The following TMC1 variants were observed in gnomAD, a reference collection of about 807,000 sequenced individuals.
TMC1 encodes the protein transmembrane channel-like protein 1.
TMC1 carries 84 observed loss-of-function variants against 105.8 expected under a neutral mutation model. The observed-to-expected ratio is 0.79, with a 90% CI of 0.67 to 0.95. TMC1 has a LOEUF of 0.95. Ranked by LOEUF, TMC1 falls within the 40% of genes least tolerant of loss-of-function variation. TMC1 has a pLI of 0.00. For synonymous variants in TMC1, 315 were observed against 311.5 expected (o/e 1.01, Z -0.12); for missense variants, 817 against 914.1 (o/e 0.89, Z 1.37).
chr9:72,729,524 G>A (rs1827172867), intron 8 of TMC1, among the ~76,000 whole-genome samples: 1 of 152,124 alleles, frequency 6.6e-6, no homozygotes. Flanking sequence ...ATCAAAACAT[G>A]CAGAGTACTT....
chr9:72,543,952 C>CTTTTTTTTTTTTTT (rs1554710174), intron 1 of TMC1, among the ~76,000 whole-genome samples: 1 of 134,342 alleles, frequency 7.4e-6, no homozygotes, highest in Non-Finnish European at 1.6e-5. Context: ...TTCTTTCTTT[C>CTTTTTTTTTTTTTT]TTTTTTTTTT....
intron 23 of TMC1, among the ~76,000 whole-genome samples, 186 bp downstream of exon 23, chr9:72,830,868 G>T (rs1451842131): frequency 2.0e-5 from 3 of 150,512 alleles, no homozygotes; most frequent in South Asian, 2.1e-4. Flanking sequence ...GTATTTGGTT[G>T]TTTTCTAGTG....
intron 18 of TMC1, among the ~76,000 whole-genome samples, chr9:72,807,407 T>G (rs1375942359): frequency 2.6e-5 from 4 of 152,222 alleles, no homozygotes; most frequent in Non-Finnish European, 4.4e-5. Context: ...TGAAGACCAA[T>G]GAGTACATTT....
chr9:72,595,720 A>T lies in TMC1; in HGVS notation c.-306+17697A>T, dbSNP rs188436562. 2.5e-4 allele frequency among the ~76,000 whole-genome samples: 35 copies of T among 141,516 alleles called. No individual in the cohort carries two copies. The East Asian group carries it at 4.8e-3, about 19-fold the overall frequency. The allele number at this position is 141,516 out of a possible 152,430, so 92.8% of individuals were successfully genotyped here. ...TAGACTGAATCTTGCTCTGTTGCCC[A>T]GGCTGGAGTGCAGTGGTACAGTCTT... is the stretch of plus-strand genomic sequence containing the variant. On this transcript the variant is annotated intron_variant, in intron 2 of 23. Coordinates refer to ENST00000297784, the MANE Select transcript of TMC1 (RefSeq NM_138691.3).
chr9:72,732,168 T>C (rs909009571), intron 8 of TMC1, among the ~76,000 whole-genome samples: 1 of 152,224 alleles, frequency 6.6e-6, no homozygotes, highest in South Asian at 2.1e-4. Flanking sequence ...TCTTTGATCA[T>C]TGATGCACAC....
intron 8 of TMC1, among the ~76,000 whole-genome samples, chr9:72,739,898 T>C (rs1219233877): frequency 6.6e-6 from 1 of 152,234 alleles, no homozygotes; most frequent in East Asian, 1.9e-4. Flanking sequence ...TCCAGCTGAT[T>C]AGTAAGTGAG....
chr9:72,580,069 G>C (rs905599830), intron 2 of TMC1, among the ~76,000 whole-genome samples: 2 of 152,150 alleles, frequency 1.3e-5, no homozygotes, highest in Non-Finnish European at 2.9e-5. Flanking sequence ...CTATTTAAAA[G>C]AGCGTGGTCC....
chr9:72,632,204 AAG>A (rs1025789801), intron 4 of TMC1, among the ~76,000 whole-genome samples: 4 of 151,848 alleles, frequency 2.6e-5, no homozygotes, highest in Non-Finnish European at 5.9e-5. Context: ...GAGAGAGAGA[AAG>A]AGAGAGAGGA....
intron 3 of TMC1, among the ~76,000 whole-genome samples, chr9:72,616,972 A>T (rs1229767366): frequency 6.6e-6 from 1 of 152,158 alleles, no homozygotes; most frequent in Non-Finnish European, 1.5e-5. Flanking sequence ...TAGTCTTGCC[A>T]TTATTATATA....
chr9:72,824,336 C>T (rs1211685193), intron 20 of TMC1, among the ~76,000 whole-genome samples: 1 of 152,254 alleles, frequency 6.6e-6, no homozygotes, highest in African/African-American at 2.4e-5. Flanking sequence ...GGCAGCTGCC[C>T]TCCACTGGAG....
At chr9:72,772,645 T>C in intron 13 of TMC1, 90 bp downstream of exon 13, 2 of 1,539,102 alleles carry the variant, frequency 1.3e-6, no homozygotes, top group Admixed American at 1.7e-5. Flanking sequence ...ATTTTGTTGC[T>C]ATTTTATGTC....
At chr9:72,685,267 C>CGCA in intron 5 of TMC1, among the ~76,000 whole-genome samples, 1 of 151,230 alleles carries the variant, frequency 6.6e-6, no homozygotes, top group Non-Finnish European at 1.5e-5. Flanking sequence ...CCACCACACC[C>CGCA]GGATAATTTT....
At chr9:72,580,428 G>A (rs1314868631) in intron 2 of TMC1, among the ~76,000 whole-genome samples, 1 of 152,160 alleles carries the variant, frequency 6.6e-6, no homozygotes, top group Non-Finnish European at 1.5e-5. Context: ...ATCTGACTGA[G>A]TACAGGGATC....
chr9:72,789,204 T>C lies in TMC1; in HGVS notation c.1111T>C (p.Phe371Leu), dbSNP rs758739636. The C allele has an allele frequency of 5.6e-6, 9 of 1,613,880 alleles. No individual in the cohort carries two copies. The highest frequency in any genetic ancestry group is 7.6e-6 in the Non-Finnish European group (9 of 1,179,964). ...IRFLRFLANF[F>L]VFLTLGGSGY... ...ATTCCTGAGGTTTCTGGCTAACTTC[T>C]TCGTGTTTCTAACACTTGGAGGGAG... The change falls in exon 15 of 24, where the codon TTC (phenylalanine) becomes CTC (leucine). Residue 371 changes from phenylalanine to leucine, a missense_variant. Physicochemically the swap from Phe to Leu is conservative, Grantham distance 22. Coordinates refer to ENST00000297784, the MANE Select transcript of TMC1 (RefSeq NM_138691.3).
intron 5 of TMC1, among the ~76,000 whole-genome samples, chr9:72,652,149 CT>C (rs1248847290): frequency 6.6e-6 from 1 of 151,998 alleles, no homozygotes; most frequent in African/African-American, 2.4e-5. Context: ...TTGTATTTCC[CT>C]GATAATTAGT....
rs1828593438 is a variant in TMC1, at chr9:72,806,534, ACTTCT to A, written c.1695+1026_1695+1030del. On this transcript the variant is annotated intron_variant, in intron 18 of 23. Coordinates refer to ENST00000297784, the MANE Select transcript of TMC1 (RefSeq NM_138691.3). ...CGGCTGCCGGGCGGAGGGGCTCCTC[ACTTCT>A]CAGACGGGGCAGTTGCCGGGCAGAG... 3.4e-5 allele frequency among the ~76,000 whole-genome samples: 5 copies of A among 145,706 alleles called. No individual in the cohort carries two copies. In the South Asian group the frequency reaches 1.1e-3, roughly 32 times the overall value.
intron 12 of TMC1, among the ~76,000 whole-genome samples, chr9:72,762,454 C>T (rs1034688311): frequency 6.6e-6 from 1 of 152,134 alleles, no homozygotes; most frequent in Non-Finnish European, 1.5e-5. Context: ...GCTGTTGTTG[C>T]TGTTATTTAG....
chr9:72,703,653 CAGT>C (rs530092072), intron 8 of TMC1, among the ~76,000 whole-genome samples: 348 of 152,314 alleles, frequency 2.3e-3, no homozygotes, highest in Non-Finnish European at 3.6e-3. Flanking sequence ...TGCCTCCTAC[CAGT>C]GCAGCTGGGG....
At chr9:72,623,147 GTTTTTTTTTTTTTTCTT>G (rs1169729872) in intron 3 of TMC1, among the ~76,000 whole-genome samples, 8 of 113,678 alleles carry the variant, frequency 7.0e-5, no homozygotes, top group African/African-American at 2.4e-4. Flanking sequence ...CTCTCTCCCT[GTTTTTTTTTTTTTTCTT>G]TTTTTTTTTT....
Sources: allele counts gnomAD v4.1 joint callset (sites outside exome capture counted in the v4.1 genomes callset), GRCh38; gene constraint gnomAD v4.1.1; transcripts MANE v1.5; gene names NCBI Gene and HGNC (gene_info 2026-07-23, HGNC 2026-07-21).